The following RPTOR variants were observed in gnomAD, a reference collection of about 807,000 sequenced individuals.
The protein encoded by RPTOR is regulatory-associated protein of mTOR.
Under a neutral mutation model 169.9 loss-of-function variants are expected in RPTOR, and 21 were observed. The ratio of observed to expected loss-of-function variants is 0.12; its 90% CI spans 0.09 to 0.18. RPTOR has a LOEUF of 0.18. Among genes scored for constraint, RPTOR ranks in the 10% least tolerant of loss-of-function variants. The probability of loss-of-function intolerance (pLI) is 1.00; values close to 1 mark genes in which losing one functional copy is unlikely to be tolerated. For synonymous variants in RPTOR, 732 were observed against 753.2 expected (o/e 0.97, Z 0.46); for missense variants, 1,133 against 1,855.9 (o/e 0.61, Z 7.16).
intron 3 of RPTOR, among the ~76,000 whole-genome samples, chr17:80,653,004 T>C (rs1257760729): frequency 6.6e-6 from 1 of 152,256 alleles, no homozygotes; most frequent in Non-Finnish European, 1.5e-5. Flanking sequence ...TTAGTGATGT[T>C]GCCATCTTTT....
At chr17:80,629,221 G>GC (rs1471428607) in intron 2 of RPTOR, among the ~76,000 whole-genome samples, 1 of 150,680 alleles carries the variant, frequency 6.6e-6, no homozygotes, top group African/African-American at 2.4e-5. Context: ...TAGTACCACA[G>GC]CTCTTCCATG....
At position 80,545,505 on chromosome 17, in the gene RPTOR, A is replaced by C; in HGVS notation, c.-125A>C. ...CTGAGTAAGGGTCTCCGCACTCTTT[A>C]TCCATTTGGTTTTCGATTTCCCGTT... On this transcript the variant is annotated 5_prime_UTR_variant, in exon 1 of 34. Coordinates refer to ENST00000306801, the MANE Select transcript of RPTOR (RefSeq NM_020761.3). The C allele has an allele frequency of 1.4e-6, 1 of 727,862 alleles. No homozygotes were observed. Among genetic ancestry groups the C allele is most frequent in the Non-Finnish European group, 2.3e-6 (1 of 433,204 alleles). 45.1% of individuals were successfully genotyped at this position (727,862 alleles called of 1,614,324 possible).
intron 11 of RPTOR, among the ~76,000 whole-genome samples, chr17:80,850,582 A>C (rs2067783182): frequency 6.6e-6 from 1 of 152,160 alleles, no homozygotes; most frequent in African/African-American, 2.4e-5. Flanking sequence ...GCCAAGAGTG[A>C]TTTTATAGGA....
intron 5 of RPTOR, among the ~76,000 whole-genome samples, chr17:80,734,325 C>G (rs866731964): frequency 2.6e-5 from 4 of 152,168 alleles, no homozygotes; most frequent in African/African-American, 7.2e-5. Context: ...GCCTGCTCCC[C>G]GGCGTCAGCT....
At chr17:80,681,688 G>GTTGAATTTCATTTGAT in intron 3 of RPTOR, among the ~76,000 whole-genome samples, 1 of 75,282 alleles carries the variant, frequency 1.3e-5, no homozygotes, top group African/African-American at 9.7e-5. Context: ...GCTTCATGAG[G>GTTGAATTTCATTTGAT]TGTACGTCTC....
rs1406021311 is a variant in RPTOR, at chr17:80,861,841, CA to C, written c.1509+3942del. On this transcript the variant is annotated intron_variant, in intron 13 of 33. Coordinates refer to ENST00000306801, the MANE Select transcript of RPTOR (RefSeq NM_020761.3). The surrounding 1 kb of genome is among the most constrained non-coding windows in gnomAD (Gnocchi z 4.5). ...TTGATGATGTCTTTATTTTTAGTCTCAGGGGTGGCTCTTGGTGAAAGGGGAC... is the reference window on the plus strand; with the variant it reads ...TTGATGATGTCTTTATTTTTAGTCTCGGGGTGGCTCTTGGTGAAAGGGGAC... Among the ~76,000 whole-genome samples the C allele has an allele frequency of 2.6e-5, 4 of 152,270 alleles. No individual in the cohort carries two copies. Among genetic ancestry groups the C allele is most frequent in the South Asian group, 2.1e-4 (1 of 4,818 alleles).
intron 11 of RPTOR, 90 bp from the exon 12 acceptor site, chr17:80,855,374 C>T (rs1056007821): frequency 6.5e-6 from 6 of 929,528 alleles, no homozygotes; most frequent in Non-Finnish European, 1.1e-5. Context: ...GTGGTCAGAC[C>T]GCTCCAAAGC....
intron 28 of RPTOR, among the ~76,000 whole-genome samples, chr17:80,950,075 C>A (rs1024654920): frequency 1.3e-5 from 2 of 152,140 alleles, no homozygotes; most frequent in African/African-American, 4.8e-5. Flanking sequence ...GGGTGCGGGG[C>A]GAGGCGCAGG....
chr17:80,743,965 CCCTGGCTACTAGCACTGT>C lies in RPTOR; in HGVS notation c.655-10039_655-10022del, dbSNP rs1567887884. The stretch of plus-strand genomic sequence containing the variant: ...AGCACAGCCCTGGCTACTAGCACAG[CCCTGGCTACTAGCACTGT>C]CCTGGTTATGAGCACAGCCCTGGTT... On this transcript the variant is annotated intron_variant, in intron 5 of 33. Coordinates refer to ENST00000306801, the MANE Select transcript of RPTOR (RefSeq NM_020761.3). 8.8e-4 allele frequency among the ~76,000 whole-genome samples: 18 copies of C among 20,416 alleles called. 6 individuals carry two copies. Among genetic ancestry groups the C allele is most frequent in the Non-Finnish European group, 1.3e-3 (10 of 7,882 alleles). 13.4% of individuals were successfully genotyped at this position (20,416 alleles called of 152,430 possible).
chr17:80,573,015 A>G (rs903438082), intron 1 of RPTOR, among the ~76,000 whole-genome samples: 1 of 152,044 alleles, frequency 6.6e-6, no homozygotes, highest in Non-Finnish European at 1.5e-5. Context: ...TCCCATGTGG[A>G]TATCTAGTTG....
chr17:80,899,462 C>CAGAATCAAA lies in RPTOR; in HGVS notation c.2401+5598_2401+5599insGAATCAAAA, dbSNP rs548148391. ...AATTCATAGTATTCTGTTTTGATTACACATTTCCCCTGGCCCCGGCCACAG... is the reference window on the plus strand; with the variant it reads ...AATTCATAGTATTCTGTTTTGATTACAGAATCAAAACATTTCCCCTGGCCCCGGCCACAG... On this transcript the variant is annotated intron_variant, in intron 20 of 33. Coordinates refer to ENST00000306801, the MANE Select transcript of RPTOR (RefSeq NM_020761.3). Among the ~76,000 whole-genome samples, 703 of 152,358 alleles carry CAGAATCAAA rather than the reference C, an allele frequency of 4.6e-3. 14 individuals carry two copies. The highest frequency in any genetic ancestry group is 0.016 in the African/African-American group (666 of 41,576).
At chr17:80,893,333 G>A (rs1196966754) in intron 19 of RPTOR, among the ~76,000 whole-genome samples, 4 of 143,264 alleles carry the variant, frequency 2.8e-5, no homozygotes, top group South Asian at 2.2e-4. Flanking sequence ...CGCGCGCCAG[G>A]TGTGTGTGCG....
At chr17:80,841,434 ACTCACCACACGGCAGCTCACT>A (rs2067654935) in intron 10 of RPTOR, among the ~76,000 whole-genome samples, 3 of 80,620 alleles carry the variant, frequency 3.7e-5, no homozygotes, top group African/African-American at 5.1e-5. Flanking sequence ...GGCAGCTCAC[ACTCACCACACGGCAGCTCACT>A]CTCACCACAC....
intron 7 of RPTOR, among the ~76,000 whole-genome samples, 199 bp from the exon 8 acceptor site, chr17:80,822,002 C>G (rs1436817827): frequency 6.6e-6 from 1 of 152,190 alleles, no homozygotes; most frequent in Non-Finnish European, 1.5e-5. Context: ...AGGAGGAAAG[C>G]TGCAGATGGA....
intron 6 of RPTOR, among the ~76,000 whole-genome samples, chr17:80,781,572 G>A (rs547836374): frequency 2.0e-5 from 3 of 152,188 alleles, no homozygotes; most frequent in Non-Finnish European, 4.4e-5. Context: ...ATTTTGCCAC[G>A]CTGTCTCGCG....
intron 1 of RPTOR, among the ~76,000 whole-genome samples, chr17:80,625,427 T>C (rs188240037): frequency 4.1e-4 from 62 of 152,268 alleles, no homozygotes; most frequent in African/African-American, 1.5e-3. Context: ...TTTCTGGAGA[T>C]TTATCATAAG....
chr17:80,772,491 C>T (rs11655184), intron 6 of RPTOR, among the ~76,000 whole-genome samples: 1 of 129,678 alleles, frequency 7.7e-6, no homozygotes. Context: ...GACCCCCTTC[C>T]TCTCCCTCCA....
intron 1 of RPTOR, among the ~76,000 whole-genome samples, chr17:80,551,765 C>T (rs968526439): frequency 5.3e-5 from 8 of 152,202 alleles, no homozygotes; most frequent in Admixed American, 4.6e-4. Context: ...TTACGGGTGT[C>T]GGGCTGGGGG....
At chr17:80,942,832 C>G (rs1387582629) in intron 25 of RPTOR, among the ~76,000 whole-genome samples, 10 of 152,250 alleles carry the variant, frequency 6.6e-5, no homozygotes, top group African/African-American at 2.2e-4. Flanking sequence ...CTGTCACGCA[C>G]TGATTTTCAA....
Sources: gnomAD v4.1 joint callset for allele counts (sites outside exome capture counted in the v4.1 genomes callset) on GRCh38, gnomAD v4.1.1 for gene constraint, Gnocchi (gnomAD v3.1) non-coding constraint, MANE v1.5 for transcripts, NCBI Gene and HGNC (gene_info 2026-07-23, HGNC 2026-07-21) for gene names.